The following DCTN5 variants were observed in gnomAD, a reference collection of about 807,000 sequenced individuals.
DCTN5 encodes the protein dynactin 4.
A neutral mutation model predicts 23.5 loss-of-function variants in DCTN5; 14 were observed. The ratio of observed to expected loss-of-function variants is 0.60; its 90% CI spans 0.39 to 0.93. DCTN5 has a LOEUF of 0.93. Ranked by LOEUF, DCTN5 falls within the 40% of genes least tolerant of loss-of-function variation. The probability of loss-of-function intolerance (pLI) is 0.00; values close to 1 mark genes in which losing one functional copy is unlikely to be tolerated. For synonymous variants in DCTN5, 67 were observed against 79.6 expected (o/e 0.84, Z 0.84); for missense variants, 156 against 225.9 (o/e 0.69, Z 1.98).
chr16:23,641,499 C>G lies in DCTN5; in HGVS notation c.-44C>G, dbSNP rs374088838. 1.7e-5 allele frequency: 27 copies of G among 1,612,768 alleles called. No homozygotes were observed. Among genetic ancestry groups the G allele is most frequent in the Non-Finnish European group, 3.4e-6 (4 of 1,179,150 alleles). ...CCGGAATCTCTGAAAGACTGACCGACTGACTCTGACAGGATCCGGGGCTGA... is the reference window on the plus strand; with the variant it reads ...CCGGAATCTCTGAAAGACTGACCGAGTGACTCTGACAGGATCCGGGGCTGA... On this transcript the variant is annotated 5_prime_UTR_variant, in exon 1 of 6. Transcript: ENST00000300087.
intron 2 of DCTN5, among the ~76,000 whole-genome samples, chr16:23,656,445 A>G (rs1967705420): frequency 6.6e-6 from 1 of 152,046 alleles, no homozygotes; most frequent in African/African-American, 2.4e-5. Flanking sequence ...TTAATCTGTA[A>G]CAGTTCTCTT....
chr16:23,641,479 A>G lies in DCTN5; in HGVS notation c.-64A>G. On this transcript the variant is annotated 5_prime_UTR_variant, in exon 1 of 6. Transcript: ENST00000300087. ...GGAGGAGCGGCCGGAAGTAGCCGGA[A>G]TCTCTGAAAGACTGACCGACTGACT... 4 of 1,599,394 alleles carry G rather than the reference A, an allele frequency of 2.5e-6. No individual in the cohort carries two copies. In the South Asian group the frequency reaches 4.4e-5, roughly 18 times the overall value.
At chr16:23,641,839 C>T (rs1220936567) in intron 1 of DCTN5, among the ~76,000 whole-genome samples, 1 of 152,100 alleles carries the variant, frequency 6.6e-6, no homozygotes, top group African/African-American at 2.4e-5. Flanking sequence ...AGGACAAGTC[C>T]CATCCTGTTC....
At chr16:23,654,932 C>T (rs560465649) in intron 2 of DCTN5, among the ~76,000 whole-genome samples, 11 of 152,138 alleles carry the variant, frequency 7.2e-5, no homozygotes, top group Non-Finnish European at 1.5e-4. Flanking sequence ...GACAGGATTT[C>T]GTTCTTTTTT....
chr16:23,651,427 T>TG (rs1967603034), intron 2 of DCTN5, among the ~76,000 whole-genome samples: 2 of 152,272 alleles, frequency 1.3e-5, no homozygotes, highest in South Asian at 4.1e-4. Flanking sequence ...TTTACTTCCT[T>TG]TGCATGTGTT....
chr16:23,641,520 G>C lies in DCTN5; in HGVS notation c.-23G>C, dbSNP rs905024503. The C allele has an allele frequency of 7.4e-6, 12 of 1,613,948 alleles. No individual in the cohort carries two copies. Among genetic ancestry groups the C allele is most frequent in the Non-Finnish European group, 1.0e-5 (12 of 1,179,990 alleles). ...CCGACTGACTCTGACAGGATCCGGGGCTGAGGGAAGGAGGCGGCGGCCATG... is the reference window on the plus strand; with the variant it reads ...CCGACTGACTCTGACAGGATCCGGGCCTGAGGGAAGGAGGCGGCGGCCATG... On this transcript the variant is annotated 5_prime_UTR_variant, in exon 1 of 6. Transcript: ENST00000300087.
In DCTN5 at chr16:23,669,582, TGTG is replaced by T. The variant is rs1327707057; in HGVS notation, c.*2443_*2445del. 2.6e-5 allele frequency: 4 copies of T among 152,678 alleles called. No homozygotes were observed. The highest frequency in any genetic ancestry group is 5.8e-5 in the Non-Finnish European group (4 of 68,600). 9.5% of individuals were successfully genotyped at this position (152,678 alleles called of 1,614,324 possible). A position where few individuals can be genotyped will look rare whatever the true frequency, so the allele number is the denominator to read the frequency against. ...GAGACTGAGAGTTGGTGCTGGTGGT[TGTG>T]GTGGCAGATGATATTACCTGAAGAA... On this transcript the variant is annotated 3_prime_UTR_variant, in exon 6 of 6. Transcript: ENST00000300087.
At chr16:23,660,388 G>T (rs905602716) in intron 3 of DCTN5, among the ~76,000 whole-genome samples, 7 of 152,122 alleles carry the variant, frequency 4.6e-5, no homozygotes, top group African/African-American at 1.7e-4. Flanking sequence ...ACATCCCAAG[G>T]TATAGAAATT....
At chr16:23,650,880 A>C in intron 2 of DCTN5, 1 of 1,411,384 alleles carries the variant, frequency 7.1e-7, no homozygotes, top group Non-Finnish European at 9.7e-7. Context: ...GGCCTGGTGA[A>C]TTGGAGAATG....
chr16:23,641,486 A>G lies in DCTN5; in HGVS notation c.-57A>G. 1.9e-6 allele frequency: 3 copies of G among 1,609,360 alleles called. No individual in the cohort carries two copies. Among genetic ancestry groups the G allele is most frequent in the East Asian group, 2.2e-5 (1 of 44,816 alleles). On this transcript the variant is annotated 5_prime_UTR_variant, in exon 1 of 6. Coordinates refer to ENST00000300087, the MANE Select transcript of DCTN5 (RefSeq NM_032486.4). ...CGGCCGGAAGTAGCCGGAATCTCTG[A>G]AAGACTGACCGACTGACTCTGACAG...
At chr16:23,642,158 C>T (rs1039078327) in intron 1 of DCTN5, among the ~76,000 whole-genome samples, 7 of 152,120 alleles carry the variant, frequency 4.6e-5, no homozygotes, top group African/African-American at 7.2e-5. Flanking sequence ...GTCCCTAACT[C>T]TTGACCTCAG....
rs1041645117 is a variant in DCTN5, at chr16:23,643,280, C to G, written c.117+257C>G. Among the ~76,000 whole-genome samples the G allele has an allele frequency of 2.0e-5, 3 of 151,898 alleles. No homozygotes were observed. In the South Asian group the frequency reaches 6.2e-4, roughly 31 times the overall value. On this transcript the variant is annotated intron_variant, in intron 2 of 5. Transcript: ENST00000300087. ...CATCTCAGGTCGCTGCAACCTCCGT[C>G]TCCCAGGTTCAACCAGTTCTCCTGC...
Position 23,672,570 on chromosome 16 carries a change from CAA to C in DCTN5, c.*5428_*5429del, listed in dbSNP as rs1968026175. On this transcript the variant is annotated 3_prime_UTR_variant, in exon 6 of 6. Coordinates refer to ENST00000300087, the MANE Select transcript of DCTN5 (RefSeq NM_032486.4). The stretch of plus-strand genomic sequence containing the variant: ...AGTCTGGGATTTAGGACTTGCCAGA[CAA>C]ACAAGGCCCAAGAGGCAAGTGTGCA... 1.3e-5 allele frequency: 2 copies of C among 152,216 alleles called. No homozygotes were observed. The highest frequency in any genetic ancestry group is 4.1e-4 in the South Asian group (2 of 4,828). The allele number at this position is 152,216 out of a possible 1,614,324, so 9.4% of individuals were successfully genotyped here. A position where few individuals can be genotyped will look rare whatever the true frequency, so the allele number is the denominator to read the frequency against.
At chr16:23,641,817 C>G (rs1203202111) in intron 1 of DCTN5, among the ~76,000 whole-genome samples, 2 of 152,086 alleles carry the variant, frequency 1.3e-5, no homozygotes, top group Admixed American at 1.3e-4. Context: ...GGTAAAGTGC[C>G]TTCGGGAGGA....
rs1204195959 is a variant in DCTN5, at chr16:23,667,584, G to A, written c.*440G>A. On this transcript the variant is annotated 3_prime_UTR_variant, in exon 6 of 6. Coordinates refer to ENST00000300087, the MANE Select transcript of DCTN5 (RefSeq NM_032486.4). The stretch of plus-strand genomic sequence containing the variant: ...GCGCCTCTCACACAGGTAATGCCCA[G>A]CTTTTCTGCTGCTAACACATTTGGC... 2 of 158,844 alleles carry A rather than the reference G, an allele frequency of 1.3e-5. No individual in the cohort carries two copies. Among genetic ancestry groups the A allele is most frequent in the African/African-American group, 4.8e-5 (2 of 41,608 alleles). 9.8% of individuals were successfully genotyped at this position (158,844 alleles called of 1,614,324 possible).
chr16:23,646,630 G>C (rs1023802736), intron 2 of DCTN5, among the ~76,000 whole-genome samples: 1 of 152,032 alleles, frequency 6.6e-6, no homozygotes, highest in African/African-American at 2.4e-5. Context: ...AGGCTGGAGT[G>C]CAGTGGTGCA....
At chr16:23,650,691 T>TA in intron 2 of DCTN5, 1 of 1,443,640 alleles carries the variant, frequency 6.9e-7, no homozygotes, top group African/African-American at 1.4e-5. Context: ...GGTGGAAAGT[T>TA]ACTTTGTTTC....
At chr16:23,663,132 C>T (rs997860044) in intron 4 of DCTN5, among the ~76,000 whole-genome samples, 8 of 152,108 alleles carry the variant, frequency 5.3e-5, no homozygotes, top group South Asian at 2.1e-4. Flanking sequence ...TCTTAATTTC[C>T]GTTTGGATAT....
chr16:23,653,581 C>A (rs1164704161), intron 2 of DCTN5, among the ~76,000 whole-genome samples: 1 of 152,146 alleles, frequency 6.6e-6, no homozygotes, highest in Non-Finnish European at 1.5e-5. Flanking sequence ...AAATATAAAA[C>A]CCAAAACTGT....
Sources: allele counts gnomAD v4.1 joint callset (sites outside exome capture counted in the v4.1 genomes callset), GRCh38; gene constraint gnomAD v4.1.1; transcripts MANE v1.5; gene names NCBI Gene and HGNC (gene_info 2026-07-23, HGNC 2026-07-21).